Variants in ELL2 observed in about 807,000 individuals in gnomAD.
ELL2 encodes elongation factor for RNA polymerase II 2, also known as RNA polymerase II elongation factor ELL2.
A neutral mutation model predicts 72.8 loss-of-function variants in ELL2; 21 were observed. That is an observed-to-expected ratio of 0.29 (90% CI 0.20 to 0.42). ELL2 has a LOEUF of 0.42. ELL2 is among the 10% of genes least tolerant of loss of function. The probability of loss-of-function intolerance (pLI) is 1.00; values close to 1 mark genes in which losing one functional copy is unlikely to be tolerated. For missense variants in ELL2, 568 were observed against 772.8 expected (o/e 0.73, Z 3.14); for synonymous variants, 266 against 283.2 (o/e 0.94, Z 0.61).
chr5:95,953,384 T>C (rs1472974858), intron 1 of ELL2, among the ~76,000 whole-genome samples: 1 of 152,252 alleles, frequency 6.6e-6, no homozygotes, highest in Non-Finnish European at 1.5e-5. Flanking sequence ...TTTTATTACA[T>C]GGACACTTTT....
rs1748525788 is a variant in ELL2, at chr5:95,888,145, C to G, written c.*726G>C. The G allele has an allele frequency of 6.6e-6, 1 of 152,592 alleles. No homozygotes were observed. The highest frequency in any genetic ancestry group is 1.5e-5 in the Non-Finnish European group (1 of 68,046). 9.5% of individuals were successfully genotyped at this position (152,592 alleles called of 1,614,324 possible). ...GCACACACTTCCAGATGCTGGTAGGCCACAGTATGCTTCCCATTGCTCTAA... is the reference window on the plus strand; with the variant it reads ...GCACACACTTCCAGATGCTGGTAGGGCACAGTATGCTTCCCATTGCTCTAA... On this transcript the variant is annotated 3_prime_UTR_variant, in exon 12 of 12. Coordinates refer to ENST00000237853, the MANE Select transcript of ELL2 (RefSeq NM_012081.6).
rs147891660 is a variant in ELL2, at chr5:95,922,121, T to A, written c.196-2576A>T. Among the ~76,000 whole-genome samples the A allele has an allele frequency of 3.8e-4, 58 of 152,232 alleles. No homozygotes were observed. The East Asian group carries it at 0.011, about 28-fold the overall frequency. On this transcript the variant is annotated intron_variant, in intron 2 of 11. Transcript: ENST00000237853. ...CTCTGTCGCCCAGGCTGGAGTGCAG[T>A]GGCACGATCTCAACTCACTGCAAGC...
intron 9 of ELL2, among the ~76,000 whole-genome samples, chr5:95,892,723 A>C (rs1397713217): frequency 6.6e-6 from 1 of 152,206 alleles, no homozygotes; most frequent in Non-Finnish European, 1.5e-5. Flanking sequence ...TAAATTACTA[A>C]TATCACAGAC....
intron 4 of ELL2, among the ~76,000 whole-genome samples, chr5:95,911,139 C>T (rs1297387774): frequency 6.6e-5 from 10 of 152,050 alleles, no homozygotes; most frequent in Admixed American, 6.6e-4. Flanking sequence ...AGTTTTGAGA[C>T]ACCCAAAGAG....
intron 7 of ELL2, among the ~76,000 whole-genome samples, chr5:95,899,895 T>G (rs1216023808): frequency 6.6e-6 from 1 of 152,110 alleles, no homozygotes; most frequent in Non-Finnish European, 1.5e-5. Flanking sequence ...CACAATAAGT[T>G]TCTAATATTT....
chr5:95,913,975 T>G (rs749333494), intron 3 of ELL2, 41 bp from the exon 4 acceptor site: 4 of 1,518,920 alleles, frequency 2.6e-6, no homozygotes, highest in African/African-American at 1.4e-5. Context: ...ATGACCTTCA[T>G]TTTGTACAAT....
At position 95,898,363 on chromosome 5, in the gene ELL2, T is replaced by G. The variant is rs763335907; in HGVS notation, c.1402A>C (p.Lys468Gln). ...SHKKSKKKSK[K>Q]HKEKDQIKKH... ...TTTATTTGGTCCTTTTCCTTATGTTTTTTAGACTTCTTTTTGGACTTTTTG... is the reference window on the plus strand; with the variant it reads ...TTTATTTGGTCCTTTTCCTTATGTTGTTTAGACTTCTTTTTGGACTTTTTG... Residue 468 changes from lysine to glutamine, a missense_variant, in exon 8 of 12, where the codon AAA becomes CAA. By Grantham distance (53) the Lys-to-Gln change is moderately conservative. Around this residue, in one of 2 missense-constraint regions of ELL2, gnomAD observed 511 missense variants for 728.4 expected, o/e 0.70. Transcript: ENST00000237853. 6.2e-7 allele frequency: 1 copy of G among 1,613,692 alleles called. No homozygotes were observed. The highest frequency in any genetic ancestry group is 8.5e-7 in the Non-Finnish European group (1 of 1,179,870).
At position 95,910,992 on chromosome 5, in the gene ELL2, G is replaced by A. The variant is rs1388734636; in HGVS notation, c.481+2779C>T. Among the ~76,000 whole-genome samples, 5 of 152,262 alleles carry A rather than the reference G, an allele frequency of 3.3e-5. No homozygotes were observed. The East Asian group carries it at 5.8e-4, about 18-fold the overall frequency. ...AGAGAGAATAATAACATTCTTCATC[G>A]GGTGATTATGAGATTCCAATGAGTA... is the stretch of plus-strand genomic sequence containing the variant. On this transcript the variant is annotated intron_variant, in intron 4 of 11. Transcript: ENST00000237853.
intron 2 of ELL2, among the ~76,000 whole-genome samples, chr5:95,940,009 C>G (rs1580527485): frequency 6.6e-6 from 1 of 152,284 alleles, no homozygotes; most frequent in Middle Eastern, 3.4e-3. Context: ...GGTTGATTCA[C>G]TCTCTTCAGA....
chr5:95,899,278 C>T (rs1166263159), intron 7 of ELL2, among the ~76,000 whole-genome samples: 5 of 152,196 alleles, frequency 3.3e-5, no homozygotes, highest in Non-Finnish European at 7.3e-5. Context: ...TGAGAACTAA[C>T]ACAGCTAGGT....
At chr5:95,917,311 T>C (rs1232488631) in intron 3 of ELL2, among the ~76,000 whole-genome samples, 1 of 152,206 alleles carries the variant, frequency 6.6e-6, no homozygotes, top group African/African-American at 2.4e-5. Flanking sequence ...ATAAGAAGAC[T>C]AGTTAATTTG....
In ELL2 at chr5:95,942,458, A is replaced by G. The variant is rs186619463; in HGVS notation, c.195+544T>C. ...ATCATCTATCATAAAGACAAAATTC[A>G]TAAGTCCATTTTATTAGGCATTATC... On this transcript the variant is annotated intron_variant, in intron 2 of 11. Transcript: ENST00000237853. 5.9e-5 allele frequency among the ~76,000 whole-genome samples: 9 copies of G among 152,324 alleles called. No homozygotes were observed. The East Asian group carries it at 7.7e-4, about 13-fold the overall frequency.
intron 9 of ELL2, among the ~76,000 whole-genome samples, chr5:95,893,760 T>C (rs902800059): frequency 6.6e-6 from 1 of 152,246 alleles, no homozygotes; most frequent in African/African-American, 2.4e-5. Flanking sequence ...TTTGGTAATT[T>C]TTCTGAAAAT....
chr5:95,944,661 G>A lies in ELL2; in HGVS notation c.148-1612C>T, dbSNP rs141205578. 2.2e-3 allele frequency among the ~76,000 whole-genome samples: 330 copies of A among 152,296 alleles called. 2 individuals carry two copies. Among genetic ancestry groups the A allele is most frequent in the Middle Eastern group, 0.01 (3 of 294 alleles). On this transcript the variant is annotated intron_variant, in intron 1 of 11. Transcript: ENST00000237853. ...GGGCCTAGGTAGCCCCTCTTCATGT[G>A]GAAGAGTAAGGTGGCCCTACAATTG... is the stretch of plus-strand genomic sequence containing the variant.
chr5:95,953,069 C>T (rs1561516490), intron 1 of ELL2, among the ~76,000 whole-genome samples: 2 of 152,240 alleles, frequency 1.3e-5, no homozygotes, highest in South Asian at 2.1e-4. Context: ...TATAACCTCA[C>T]GGGTGTGGTG....
intron 2 of ELL2, among the ~76,000 whole-genome samples, chr5:95,928,049 G>A (rs1253626961): frequency 2.0e-5 from 3 of 151,910 alleles, no homozygotes; most frequent in Non-Finnish European, 4.4e-5. Context: ...GTGTCTGAGT[G>A]TGTGTTGTTT....
chr5:95,889,793 AC>A (rs1748590918), intron 10 of ELL2, among the ~76,000 whole-genome samples: 1 of 151,156 alleles, frequency 6.6e-6, no homozygotes, highest in African/African-American at 2.4e-5. Flanking sequence ...TACATTTTAT[AC>A]CATGTGTACA....
At chr5:95,894,402 G>GAGT (rs1246176232) in intron 9 of ELL2, among the ~76,000 whole-genome samples, 1 of 152,136 alleles carries the variant, frequency 6.6e-6, no homozygotes. Context: ...AAAAGAACAA[G>GAGT]AGCACTGCAT....
intron 2 of ELL2, among the ~76,000 whole-genome samples, chr5:95,935,154 A>C (rs549740821): frequency 6.6e-6 from 1 of 152,016 alleles, no homozygotes; most frequent in African/African-American, 2.4e-5. Context: ...GTTTTTAATA[A>C]TTTTATAATA....
Sources: allele counts gnomAD v4.1 joint callset (sites outside exome capture counted in the v4.1 genomes callset), GRCh38; gene constraint gnomAD v4.1.1; regional missense constraint gnomAD v4.1.1; transcripts MANE v1.5; gene names NCBI Gene and HGNC (gene_info 2026-07-23, HGNC 2026-07-21).